Variants in CDYL observed in about 807,000 individuals in gnomAD.
The protein encoded by CDYL is chromodomain Y like.
In CDYL, 8 loss-of-function variants were observed where a neutral mutation model predicts 47.3. That is an observed-to-expected ratio of 0.17 (90% CI 0.10 to 0.31). The LOEUF is 0.31. CDYL is among the 10% of genes least tolerant of loss of function. The pLI is 1.00. For synonymous variants in CDYL, 266 were observed against 265.0 expected, an observed-to-expected ratio of 1.00 and a Z score of -0.04; for missense variants, 471 against 701.4, an observed-to-expected ratio of 0.67 and a Z score of 3.71.
intron 1 of CDYL, among the ~76,000 whole-genome samples, chr6:4,837,084 A>G (rs1446799475): frequency 6.6e-6 from 1 of 152,216 alleles, no homozygotes; most frequent in Non-Finnish European, 1.5e-5. Flanking sequence ...TGCTGAATAA[A>G]TGAGGATCCA....
chr6:4,785,103 A>C (rs1758720880), intron 1 of CDYL, among the ~76,000 whole-genome samples: 2 of 152,192 alleles, frequency 1.3e-5, no homozygotes, highest in Admixed American at 1.3e-4. Flanking sequence ...TATTGTGTTA[A>C]AATTGCCTAC....
chr6:4,811,101 A>C (rs1328004241), intron 1 of CDYL, among the ~76,000 whole-genome samples: 2 of 152,246 alleles, frequency 1.3e-5, no homozygotes, highest in African/African-American at 4.8e-5. Context: ...GTCTGACAGA[A>C]GTTTTTGATA....
At chr6:4,898,839 T>C (rs555816851) in intron 2 of CDYL, among the ~76,000 whole-genome samples, 108 of 152,352 alleles carry the variant, frequency 7.1e-4, no homozygotes, top group Non-Finnish European at 1.2e-3. Context: ...TGCATTATTT[T>C]CCAATGATTG....
chr6:4,780,113 C>G (rs2127429809), intron 1 of CDYL, among the ~76,000 whole-genome samples: 1 of 152,202 alleles, frequency 6.6e-6, no homozygotes, highest in Admixed American at 6.5e-5. Flanking sequence ...TGGGTTTACT[C>G]AAGGGTTGGG....
chr6:4,872,324 C>CTTTTT (rs56242830), intron 1 of CDYL, among the ~76,000 whole-genome samples: 11 of 121,650 alleles, frequency 9.0e-5, no homozygotes, highest in African/African-American at 3.2e-4. Flanking sequence ...TTTGATTTGG[C>CTTTTT]TTTTTTTTTT....
intron 1 of CDYL, among the ~76,000 whole-genome samples, chr6:4,713,370 C>A (rs187973480): frequency 3.9e-5 from 6 of 152,190 alleles, no homozygotes; most frequent in African/African-American, 1.2e-4. Context: ...AAGACGCAGG[C>A]CGCAGGCTAC....
At chr6:4,789,121 G>A (rs1207801297) in intron 1 of CDYL, among the ~76,000 whole-genome samples, 1 of 152,186 alleles carries the variant, frequency 6.6e-6, no homozygotes. Context: ...TGTTGCCCAG[G>A]CTGGAGTGCA....
intron 5 of CDYL, among the ~76,000 whole-genome samples, chr6:4,949,492 ATT>A (rs1758632033): frequency 6.6e-6 from 1 of 152,190 alleles, no homozygotes; most frequent in African/African-American, 2.4e-5. Flanking sequence ...AGACATCTCT[ATT>A]TAACTTTCCT....
intron 2 of CDYL, among the ~76,000 whole-genome samples, chr6:4,733,422 T>TAA (rs5873946): frequency 7.2e-6 from 1 of 138,884 alleles, no homozygotes; most frequent in African/African-American, 2.6e-5. Context: ...TCAGATAAAG[T>TAA]AAAAAAAAAA....
chr6:4,896,574 T>C (rs1012849943), intron 2 of CDYL, among the ~76,000 whole-genome samples: 128 of 152,180 alleles, frequency 8.4e-4, no homozygotes, highest in African/African-American at 3.0e-3. Context: ...AATAACAACA[T>C]ATATGGCCAG....
At chr6:4,708,827 C>T (rs1323155720) in intron 1 of CDYL, among the ~76,000 whole-genome samples, 6 of 151,916 alleles carry the variant, frequency 3.9e-5, no homozygotes, top group African/African-American at 1.5e-4. Flanking sequence ...AAGACCAGCC[C>T]GGCCAACATG....
chr6:4,776,754 C>T lies in CDYL; in HGVS notation c.-30C>T, dbSNP rs1758464895. The T allele has an allele frequency of 2.5e-6, 3 of 1,179,850 alleles. No homozygotes were observed. Among genetic ancestry groups the T allele is most frequent in the Non-Finnish European group, 3.3e-6 (3 of 912,444 alleles). The allele number at this position is 1,179,850 out of a possible 1,614,324, so 73.1% of individuals were successfully genotyped here. A position where few individuals can be genotyped will look rare whatever the true frequency, so the allele number is the denominator to read the frequency against. On this transcript the variant is annotated 5_prime_UTR_variant, in exon 1 of 7. Transcript: ENST00000397588. ...GGCGCCGGCGCCCGCCCCGACCCTGCCCCTCCCGCCCGCAACTCCGCCGCC... is the reference window on the plus strand; with the variant it reads ...GGCGCCGGCGCCCGCCCCGACCCTGTCCCTCCCGCCCGCAACTCCGCCGCC...
chr6:4,723,245 G>A (rs1757406350), intron 2 of CDYL, among the ~76,000 whole-genome samples: 1 of 152,168 alleles, frequency 6.6e-6, no homozygotes, highest in African/African-American at 2.4e-5. Context: ...AGAGTACACA[G>A]GAGGATGAAG....
At chr6:4,767,246 T>C (rs1758268513) in intron 3 of CDYL, among the ~76,000 whole-genome samples, 1 of 147,268 alleles carries the variant, frequency 6.8e-6, no homozygotes, top group Admixed American at 6.7e-5. Flanking sequence ...CAAAATTCAA[T>C]ATTCATTCAT....
At chr6:4,715,704 C>G in intron 1 of CDYL, 3 of 1,585,826 alleles carry the variant, frequency 1.9e-6, no homozygotes, top group Non-Finnish European at 2.6e-6. Context: ...TTCCCATGTA[C>G]TGTAGTAAAT....
intron 1 of CDYL, among the ~76,000 whole-genome samples, chr6:4,879,117 G>A (rs931741838): frequency 2.0e-5 from 3 of 152,128 alleles, no homozygotes; most frequent in Admixed American, 1.3e-4. Context: ...GGCTTACCAA[G>A]TGGTCTATCA....
chr6:4,778,054 G>A (rs751139063), intron 1 of CDYL, among the ~76,000 whole-genome samples: 15 of 149,574 alleles, frequency 1.0e-4, no homozygotes, highest in African/African-American at 1.5e-4. Flanking sequence ...TAGGTCATTT[G>A]GGGATGTAAA....
chr6:4,928,281 G>A (rs994559186), intron 2 of CDYL, among the ~76,000 whole-genome samples: 3 of 151,946 alleles, frequency 2.0e-5, no homozygotes, highest in East Asian at 3.8e-4. Flanking sequence ...TGTGTGAGGG[G>A]GGCTGTCTTT....
intron 1 of CDYL, among the ~76,000 whole-genome samples, chr6:4,708,274 A>G (rs1582264088): frequency 6.6e-6 from 1 of 151,890 alleles, no homozygotes; most frequent in South Asian, 2.1e-4. Context: ...AGCAATTCTC[A>G]TGCCTCAGCC....
Sources: gnomAD v4.1 joint callset for allele counts (sites outside exome capture counted in the v4.1 genomes callset) on GRCh38, gnomAD v4.1.1 for gene constraint, MANE v1.5 for transcripts, NCBI Gene and HGNC (gene_info 2026-07-23, HGNC 2026-07-21) for gene names.